ACO1: variants seen among roughly 807,000 people sequenced by gnomAD.
The protein encoded by ACO1 is aconitase 1.
In ACO1, 78 loss-of-function variants were observed where a neutral mutation model predicts 105.1. That is an observed-to-expected ratio of 0.74 (90% confidence interval 0.62 to 0.90). The LOEUF (loss-of-function observed/expected upper bound fraction) is 0.90. Among genes scored for constraint, ACO1 ranks in the 40% least tolerant of loss-of-function variants. The pLI is 0.00. For missense variants in ACO1, 965 were observed against 1,111.1 expected (o/e 0.87, Z 1.87); for synonymous variants, 364 against 397.4 (o/e 0.92, Z 1.00).
At chr9:32,395,639 G>T (rs1234541929) in intron 1 of ACO1, among the ~76,000 whole-genome samples, 1 of 152,180 alleles carries the variant, frequency 6.6e-6, no homozygotes, top group Non-Finnish European at 1.5e-5. Flanking sequence ...GAGAGGATGA[G>T]GTCAGGCTCA....
chr9:32,390,068 G>C (rs1563926098), intron 1 of ACO1, among the ~76,000 whole-genome samples: 3 of 152,164 alleles, frequency 2.0e-5, no homozygotes. Flanking sequence ...GAAGTGCTGG[G>C]ATTACAGGCA....
rs1361925286 is a variant in ACO1, at chr9:32,445,220, C to T, written c.2371-3676C>T. 9.2e-5 allele frequency among the ~76,000 whole-genome samples: 14 copies of T among 152,090 alleles called. No homozygotes were observed. In the East Asian group the frequency reaches 2.7e-3, roughly 29 times the overall value. ...TCCTCTTTGTACCTCTGGTAGAATT[C>T]GGCTGTGAATCCATCTGGTCCTGGG... On this transcript the variant is annotated intron_variant, in intron 19 of 20. Coordinates refer to ENST00000309951, the MANE Select transcript of ACO1 (RefSeq NM_002197.3).
intron 19 of ACO1, among the ~76,000 whole-genome samples, chr9:32,447,662 T>G (rs187678339): frequency 6.6e-6 from 1 of 152,250 alleles, no homozygotes; most frequent in Admixed American, 6.5e-5. Flanking sequence ...GTTTTCGGAA[T>G]GTTCAGCGTT....
At chr9:32,405,338 A>AT (rs552325935) in intron 1 of ACO1, 147 bp from the exon 2 acceptor site, 37 of 573,660 alleles carry the variant, frequency 6.4e-5, no homozygotes, top group South Asian at 2.5e-4. Flanking sequence ...ATTTTTAACT[A>AT]TTTTTTTTAA....
intron 1 of ACO1, among the ~76,000 whole-genome samples, chr9:32,400,924 G>A (rs1431259880): frequency 6.9e-6 from 1 of 145,682 alleles, no homozygotes; most frequent in Non-Finnish European, 1.5e-5. Flanking sequence ...GTGTATGAAT[G>A]AATATACACT....
At chr9:32,390,250 T>A (rs1821240258) in intron 1 of ACO1, among the ~76,000 whole-genome samples, 1 of 152,236 alleles carries the variant, frequency 6.6e-6, no homozygotes, top group Non-Finnish European at 1.5e-5. Flanking sequence ...TTAAAACTGT[T>A]CTGCCCTAAT....
At chr9:32,425,402 C>G (rs2118490427) in intron 10 of ACO1, among the ~76,000 whole-genome samples, 1 of 152,324 alleles carries the variant, frequency 6.6e-6, no homozygotes, top group East Asian at 1.9e-4. Flanking sequence ...TTAATTGAGT[C>G]TGGTCAAAAT....
chr9:32,426,462 A>G (rs942773371), intron 11 of ACO1, among the ~76,000 whole-genome samples: 1 of 152,142 alleles, frequency 6.6e-6, no homozygotes, highest in African/African-American at 2.4e-5. Flanking sequence ...TTGAGTTGTT[A>G]ATATTTACAT....
At chr9:32,406,289 CTG>C (rs1362337239) in intron 2 of ACO1, among the ~76,000 whole-genome samples, 1 of 76,552 alleles carries the variant, frequency 1.3e-5, no homozygotes, top group African/African-American at 5.0e-5. Context: ...GACTATTACT[CTG>C]TGTGTATATA....
chr9:32,423,695 C>G (rs1397126834), intron 9 of ACO1, among the ~76,000 whole-genome samples: 1 of 152,094 alleles, frequency 6.6e-6, no homozygotes, highest in Non-Finnish European at 1.5e-5. Context: ...ATGTGGAAGA[C>G]CACTGAAAGA....
chr9:32,407,652 A>G (rs936885761), intron 3 of ACO1, among the ~76,000 whole-genome samples: 1 of 152,210 alleles, frequency 6.6e-6, no homozygotes, highest in African/African-American at 2.4e-5. Flanking sequence ...GAAACACGCC[A>G]CTTTTTCTAA....
At chr9:32,401,930 C>T (rs978720352) in intron 1 of ACO1, among the ~76,000 whole-genome samples, 17 of 152,328 alleles carry the variant, frequency 1.1e-4, no homozygotes, top group African/African-American at 3.8e-4. Flanking sequence ...GATGGGTTAG[C>T]TTTGAAAGAC....
intron 2 of ACO1, 78 bp from the exon 3 acceptor site, chr9:32,407,176 ATCAACTT>A: frequency 7.8e-7 from 1 of 1,278,868 alleles, no homozygotes; most frequent in Non-Finnish European, 1.1e-6. Context: ...GATGCCTCAT[ATCAACTT>A]TATATAGAGA....
At chr9:32,423,559 TG>T in intron 9 of ACO1, 140 bp downstream of exon 9, 2 of 672,286 alleles carry the variant, frequency 3.0e-6, no homozygotes, top group Non-Finnish European at 2.6e-6. Context: ...TTTAGAAGGT[TG>T]AAAAACCAAA....
At chr9:32,387,964 C>G (rs1821188629) in intron 1 of ACO1, among the ~76,000 whole-genome samples, 1 of 152,128 alleles carries the variant, frequency 6.6e-6, no homozygotes, top group African/African-American at 2.4e-5. Flanking sequence ...CCAAGATGGA[C>G]GTAGCGGGCA....
rs772639376 is a variant in ACO1, at chr9:32,423,378, C to A, written c.1030C>A (p.Arg344=). Residue 344 remains arginine, a synonymous_variant, in exon 9 of 21, where the codon CGA becomes AGA. Coordinates refer to ENST00000309951, the MANE Select transcript of ACO1 (RefSeq NM_002197.3). ...KKYLQAVGMF[R]DFNDPSQDPD... ...ATATCTTCAGGCTGTAGGAATGTTTCGAGATTTCAATGACCCTTCTCAAGA... is the reference window on the plus strand; with the variant it reads ...ATATCTTCAGGCTGTAGGAATGTTTAGAGATTTCAATGACCCTTCTCAAGA... 1 of 1,597,620 alleles carries A rather than the reference C, an allele frequency of 6.3e-7. No individual in the cohort carries two copies. The highest frequency in any genetic ancestry group is 1.8e-5 in the Admixed American group (1 of 56,582).
intron 4 of ACO1, among the ~76,000 whole-genome samples, chr9:32,409,544 G>A (rs796419513): frequency 6.6e-6 from 1 of 152,248 alleles, no homozygotes; most frequent in African/African-American, 2.4e-5. Context: ...GCATCCAAAG[G>A]TGTGCATATT....
intron 19 of ACO1, among the ~76,000 whole-genome samples, chr9:32,441,006 TATC>T: frequency 6.6e-6 from 1 of 152,342 alleles, no homozygotes; most frequent in East Asian, 1.9e-4. Context: ...GCCATTGTAT[TATC>T]TGTCAGTTTC....
rs1157451673 is a variant in ACO1 at position 32,453,034 on chromosome 9, AACCAACTTCTTTT to A, written c.*2927_*2939del. The A allele has an allele frequency of 2.7e-5, 4 of 148,938 alleles. No homozygotes were observed. Among genetic ancestry groups the A allele is most frequent in the African/African-American group, 9.8e-5 (4 of 40,646 alleles). 9.2% of individuals were successfully genotyped at this position (148,938 alleles called of 1,614,324 possible). Reference sequence around the variant, plus strand: ...CCTTGCCCACTAACAAGCCTAAATAAACCAACTTCTTTTACCTGGTTCTTTAAGGGCTGCTCGT... The same window carrying A: ...CCTTGCCCACTAACAAGCCTAAATAAACCTGGTTCTTTAAGGGCTGCTCGT... On this transcript the variant is annotated 3_prime_UTR_variant, in exon 21 of 21. Transcript: ENST00000309951.
Sources: allele counts gnomAD v4.1 joint callset (sites outside exome capture counted in the v4.1 genomes callset), GRCh38; gene constraint gnomAD v4.1.1; transcripts MANE v1.5; gene names NCBI Gene and HGNC (gene_info 2026-07-23, HGNC 2026-07-21).